PDK4: variants seen among roughly 807,000 people sequenced by gnomAD.
PDK4 encodes pyruvate dehydrogenase kinase 4.
Under a neutral mutation model 51.7 loss-of-function variants are expected in PDK4, and 43 were observed. The observed-to-expected ratio is 0.83, with a 90% CI of 0.65 to 1.07. The LOEUF is 1.07. Among genes scored for constraint, PDK4 ranks in the 50% least tolerant of loss-of-function variants. PDK4 has a pLI of 0.00. For missense variants in PDK4, 498 were observed against 503.5 expected (o/e 0.99, Z 0.10); for synonymous variants, 170 against 176.6 (o/e 0.96, Z 0.30).
chr7:95,592,648 A>G (rs757038427), intron 4 of PDK4, 51 bp from the exon 5 acceptor site: 2 of 1,413,248 alleles, frequency 1.4e-6, no homozygotes. Flanking sequence ...CAGGATAATG[A>G]TTAGTACTAT....
chr7:95,590,124 A>G (rs1296812363), intron 6 of PDK4, among the ~76,000 whole-genome samples: 2 of 152,196 alleles, frequency 1.3e-5, no homozygotes, highest in African/African-American at 4.8e-5. Flanking sequence ...GTGGAAGAAC[A>G]GTGCTATAAA....
intron 6 of PDK4, 53 bp downstream of exon 6, chr7:95,591,935 T>G: frequency 1.1e-6 from 1 of 904,518 alleles, no homozygotes; most frequent in Non-Finnish European, 1.7e-6. Context: ...GCAATAATAT[T>G]AGGAGAACAC....
chr7:95,592,428 T>G, intron 5 of PDK4, 83 bp downstream of exon 5: 1 of 821,556 alleles, frequency 1.2e-6, no homozygotes, highest in Admixed American at 1.9e-5. Context: ...TATAAATTCA[T>G]TCACAGAGTC....
At position 95,587,475 on chromosome 7, in the gene PDK4, A is replaced by C; in HGVS notation, c.924T>G (p.Ser308Arg). 1 of 1,612,358 alleles carries C rather than the reference A, an allele frequency of 6.2e-7. No homozygotes were observed. Among genetic ancestry groups the C allele is most frequent in the Non-Finnish European group, 8.5e-7 (1 of 1,178,332 alleles). ...VPLRIIDRLF[S>R]YTYSTAPTPV... Reference sequence around the variant, plus strand: ...GCGTTGGTGCAGTGGAGTATGTATAACTAAAGAGGCGGTCAATAATTCTCA... The same window carrying C: ...GCGTTGGTGCAGTGGAGTATGTATACCTAAAGAGGCGGTCAATAATTCTCA... The change falls in exon 9 of 11, where the codon AGT becomes AGG. Residue 308 changes from serine to arginine, a missense_variant. Coordinates refer to ENST00000005178, the MANE Select transcript of PDK4 (RefSeq NM_002612.4).
chr7:95,592,311 T>C (rs1381482224), intron 5 of PDK4, among the ~76,000 whole-genome samples, 200 bp downstream of exon 5: 2 of 152,178 alleles, frequency 1.3e-5, no homozygotes, highest in African/African-American at 2.4e-5. Context: ...TAGTCACTTA[T>C]ATTTGGATTT....
At chr7:95,586,744 C>A in intron 10 of PDK4, 1 of 306,996 alleles carries the variant, frequency 3.3e-6, no homozygotes, top group East Asian at 6.0e-5. Flanking sequence ...TGAACATGTC[C>A]TCATTCTGAA....
intron 10 of PDK4, chr7:95,586,766 G>A: frequency 2.6e-6 from 1 of 379,882 alleles, no homozygotes; most frequent in Non-Finnish European, 4.7e-6. Context: ...CTTTGGTAAT[G>A]TATTAACCTT....
rs1477017027 is a variant in PDK4, at chr7:95,595,164, C to A, written c.131G>T (p.Gly44Val). ...PLSMKQLLDF[G>V]SENACERTSF... The stretch of plus-strand genomic sequence containing the variant: ...AGTTCTTTCACATGCATTTTCTGAA[C>A]CTATAATAAATGAAATCAATTTAGT... The change falls in exon 2 of 11, where the codon GGT becomes GTT. Residue 44 changes from glycine to valine, a missense_variant and splice_region_variant. By Grantham distance (109) the Gly-to-Val change is moderately radical. Transcript: ENST00000005178. The A allele has an allele frequency of 3.1e-6, 5 of 1,607,928 alleles. No individual in the cohort carries two copies. The African/African-American group carries it at 5.4e-5, about 17-fold the overall frequency.
intron 9 of PDK4, 100 bp from the exon 10 acceptor site, chr7:95,587,223 C>T (rs1015592378): frequency 4.0e-6 from 3 of 757,540 alleles, no homozygotes; most frequent in Admixed American, 2.4e-5. Context: ...TGTCCTAGAA[C>T]CTAAATAAAT....
chr7:95,596,490 G>T lies in PDK4; in HGVS notation c.-197C>A. On this transcript the variant is annotated 5_prime_UTR_variant, in exon 1 of 11. In the 5' UTR this introduces an upstream ATG that the reference lacks. Transcript: ENST00000005178. ...GAGTCTGGGCAGAGTCGGAGATGCA[G>T]TGGTTCGAGATTCAAGTTCAAGTCT... is the stretch of plus-strand genomic sequence containing the variant. The T allele has an allele frequency of 1.9e-6, 1 of 529,230 alleles. No homozygotes were observed. 32.8% of individuals were successfully genotyped at this position (529,230 alleles called of 1,614,324 possible).
chr7:95,592,194 A>G (rs1791560578), intron 5 of PDK4, 129 bp from the exon 6 acceptor site: 1 of 446,642 alleles, frequency 2.2e-6, no homozygotes, highest in Non-Finnish European at 4.0e-6. Flanking sequence ...GTATATAAAA[A>G]TATATTTTAA....
At chr7:95,596,068 G>A (rs763235422) in intron 1 of PDK4, 96 bp downstream of exon 1, 36 of 1,334,384 alleles carry the variant, frequency 2.7e-5, no homozygotes, top group Non-Finnish European at 3.6e-5. Context: ...AACCCCAGTT[G>A]TTTTAGCTTG....
intron 2 of PDK4, chr7:95,594,730 T>G (rs1178080894): frequency 5.2e-6 from 1 of 192,266 alleles, no homozygotes; most frequent in Non-Finnish European, 1.0e-5. Flanking sequence ...TTATTGAAAG[T>G]GCTCTTCTAT....
At position 95,595,004 on chromosome 7, in the gene PDK4, A is replaced by AAT; in HGVS notation, c.272+17_272+18dup. 6.3e-7 allele frequency: 1 copy of AAT among 1,585,748 alleles called. No individual in the cohort carries two copies. Among genetic ancestry groups the AAT allele is most frequent in the Non-Finnish European group, 8.6e-7 (1 of 1,160,226 alleles). ...TAACTGTTTCAAAACTAGAGACTTCAATATGGTTCACCACTTACCAGCTTT... is the reference window on the plus strand; with the variant it reads ...TAACTGTTTCAAAACTAGAGACTTCAATATATGGTTCACCACTTACCAGCTTT... On this transcript the variant is annotated intron_variant, in intron 2 of 10. Coordinates refer to ENST00000005178, the MANE Select transcript of PDK4 (RefSeq NM_002612.4).
intron 4 of PDK4, 74 bp from the exon 5 acceptor site, chr7:95,592,671 G>A: frequency 7.3e-7 from 1 of 1,369,444 alleles, no homozygotes; most frequent in Non-Finnish European, 1.0e-6. Flanking sequence ...CTGAGAATGT[G>A]ACCCGCTGAT....
At chr7:95,592,649 T>C in intron 4 of PDK4, 52 bp from the exon 5 acceptor site, 1 of 1,410,922 alleles carries the variant, frequency 7.1e-7, no homozygotes, top group Non-Finnish European at 1.0e-6. Context: ...AGGATAATGA[T>C]TAGTACTATC....
In PDK4 at chr7:95,587,759, C is replaced by T. The variant is rs1791504345; in HGVS notation, c.838G>A (p.Val280Ile). 2 of 1,612,988 alleles carry T rather than the reference C, an allele frequency of 1.2e-6. No individual in the cohort carries two copies. Among genetic ancestry groups the T allele is most frequent in the Non-Finnish European group, 1.7e-6 (2 of 1,179,014 alleles). ...GTAAGGTCTTCTTTTCCCAAGACAA[C>T]AATAACCTCTATTGGTGTAAGGGAA... ...QPSLTPIEVI[V>I]VLGKEDLTIK... is the part of the protein sequence containing the mutation. Residue 280 changes from valine (V) to isoleucine (I), a missense_variant, in exon 8 of 11, where the codon GTT becomes ATT. Val to Ile is a conservative substitution (Grantham distance 29). Transcript: ENST00000005178.
chr7:95,586,838 G>C (rs1457756836), intron 10 of PDK4, 172 bp downstream of exon 10: 1 of 489,414 alleles, frequency 2.0e-6, no homozygotes, highest in Non-Finnish European at 3.6e-6. Flanking sequence ...TCTTTGGTAA[G>C]TTATCATATT....
Position 95,596,190 on chromosome 7 carries a change from A to T in PDK4, c.104T>A (p.Leu35Gln). ...AAAGTCCAGTAGCTGCTTCATGGAC[A>T]GCGGGGACGGGCTGTAGCGCGAGAA... Reference protein sequence around the residue: ...EHFSRYSPSPLSMKQLLDFGS... With the variant: ...EHFSRYSPSPQSMKQLLDFGS... The change falls in exon 1 of 11, where the codon CTG becomes CAG. Residue 35 changes from leucine to glutamine, a missense_variant. Leu to Gln is a moderately radical substitution (Grantham distance 113, BLOSUM62 -2). Transcript: ENST00000005178. The T allele has an allele frequency of 6.2e-7, 1 of 1,604,054 alleles. No individual in the cohort carries two copies. Among genetic ancestry groups the T allele is most frequent in the Non-Finnish European group, 8.5e-7 (1 of 1,175,564 alleles).
Sources: gnomAD v4.1 joint callset for allele counts (sites outside exome capture counted in the v4.1 genomes callset) on GRCh38, gnomAD v4.1.1 for gene constraint, MANE v1.5 for transcripts, NCBI Gene and HGNC (gene_info 2026-07-23, HGNC 2026-07-21) for gene names.